ACP6: variants seen among roughly 807,000 people sequenced by gnomAD.
The protein encoded by ACP6 is lysophosphatidic acid phosphatase type 6.
ACP6 carries 48 observed loss-of-function variants against 48.1 expected under a neutral mutation model. The observed-to-expected ratio is 1.00, with a 90% CI of 0.79 to 1.27. The LOEUF is 1.27. ACP6 is among the 50% of genes most tolerant of loss of function. ACP6 has a pLI of 0.00. For synonymous variants in ACP6, 172 were observed against 204.2 expected, an observed-to-expected ratio of 0.84 and a Z score of 1.34; for missense variants, 485 against 529.1, an observed-to-expected ratio of 0.92 and a Z score of 0.82.
At position 147,670,056 on chromosome 1, in the gene ACP6, G is replaced by A. The variant is rs1661016393; in HGVS notation, c.-8C>T. 6.7e-7 allele frequency: 1 copy of A among 1,494,416 alleles called. No homozygotes were observed. Among genetic ancestry groups the A allele is most frequent in the Admixed American group, 2.0e-5 (1 of 49,132 alleles). The allele number at this position is 1,494,416 out of a possible 1,614,324, so 92.6% of individuals were successfully genotyped here. ...GAACACACCAGTGATCATGGTGGTA[G>A]GCCCTCGCTGCCCTCCGGGTTGAGG... On this transcript the variant is annotated 5_prime_UTR_variant, in exon 1 of 10. Transcript: ENST00000583509.
At chr1:147,648,533 T>A (rs1247130721) in intron 8 of ACP6, 122 bp from the exon 9 acceptor site, 10 of 1,170,344 alleles carry the variant, frequency 8.5e-6, no homozygotes, top group Non-Finnish European at 1.2e-5. Flanking sequence ...AGAAATCAGC[T>A]GAGCCTGGTA....
intron 5 of ACP6, 80 bp downstream of exon 5, chr1:147,655,081 C>G: frequency 8.4e-7 from 1 of 1,195,108 alleles, no homozygotes. Context: ...TGGACAGGCC[C>G]TCAGTATAGA....
At chr1:147,659,895 C>G in intron 1 of ACP6, 120 bp from the exon 2 acceptor site, 1 of 1,211,334 alleles carries the variant, frequency 8.3e-7, no homozygotes. Context: ...CTGCAACCTT[C>G]CTATGGGATG....
intron 1 of ACP6, among the ~76,000 whole-genome samples, chr1:147,664,344 G>A (rs955847370): frequency 5.3e-5 from 8 of 152,052 alleles, no homozygotes; most frequent in East Asian, 1.9e-4. Context: ...CACTAGCCAC[G>A]CAACTTCCTT....
chr1:147,669,780 C>T (rs1553214282), intron 1 of ACP6, 50 bp downstream of exon 1: 3 of 1,504,332 alleles, frequency 2.0e-6, no homozygotes, highest in Non-Finnish European at 1.8e-6. Context: ...GACTCCTGGC[C>T]TGGCACACGG....
intron 5 of ACP6, 110 bp downstream of exon 5, chr1:147,655,051 A>G (rs893587564): frequency 7.1e-5 from 58 of 822,218 alleles, no homozygotes; most frequent in Non-Finnish European, 1.1e-4. Flanking sequence ...CCCATCCATT[A>G]TTCGCCAGTA....
chr1:147,659,525 C>T lies in ACP6; in HGVS notation c.350G>A (p.Gly117Glu). 1 of 1,613,688 alleles carries T rather than the reference C, an allele frequency of 6.2e-7. No individual in the cohort carries two copies. Among genetic ancestry groups the T allele is most frequent in the African/African-American group, 1.3e-5 (1 of 74,636 alleles). The change falls in exon 3 of 10, where the codon GGG becomes GAG. Residue 117 changes from glycine to glutamate, a missense_variant and splice_region_variant. By Grantham distance (98) the Gly-to-Glu change is moderately conservative (BLOSUM62 -2). Transcript: ENST00000583509. ...GGTCAGCTGCCCAGCAAACATGCCC[C>T]CCTAAAGTAGGGAAGAAAGAGAAAG... ...DSQYHETTLK[G>E]GMFAGQLTKV...
At chr1:147,657,687 A>G (rs587709469) in intron 4 of ACP6, among the ~76,000 whole-genome samples, 6 of 152,248 alleles carry the variant, frequency 3.9e-5, no homozygotes, top group African/African-American at 1.4e-4. Context: ...CCAAAGTGCT[A>G]GGATTACAAG....
rs782402251 is a variant in ACP6, at chr1:147,654,168, C to T, written c.780+26G>A. The T allele has an allele frequency of 3.1e-6, 5 of 1,610,648 alleles. No homozygotes were observed. The Admixed American group carries it at 6.7e-5, about 22-fold the overall frequency. ...GAGCCAGCCCACCAAGGCTATTATC[C>T]CAGGCTCCCCAACCCCAGGACTCAC... On this transcript the variant is annotated intron_variant, in intron 6 of 9. Coordinates refer to ENST00000583509, the MANE Select transcript of ACP6 (RefSeq NM_016361.5).
intron 9 of ACP6, chr1:147,647,879 C>T (rs772978627): frequency 1.9e-5 from 9 of 485,964 alleles, no homozygotes; most frequent in Non-Finnish European, 2.9e-5. Context: ...GATGAAGCAG[C>T]CAACACCACG....
chr1:147,663,870 C>G (rs1469713161), intron 1 of ACP6, among the ~76,000 whole-genome samples: 1 of 152,078 alleles, frequency 6.6e-6, no homozygotes, highest in Non-Finnish European at 1.5e-5. Flanking sequence ...ACCACTCTGG[C>G]TTTTGATGGT....
intron 4 of ACP6, among the ~76,000 whole-genome samples, chr1:147,656,874 AACAT>A (rs1439157817): frequency 2.0e-5 from 3 of 152,234 alleles, no homozygotes; most frequent in African/African-American, 7.2e-5. Context: ...CAATAAAAAT[AACAT>A]AAATTAGAAA....
downstream of ACP6, among the ~76,000 whole-genome samples, chr1:147,641,523 G>A (rs1474099956): frequency 6.6e-6 from 1 of 152,176 alleles, no homozygotes; most frequent in Non-Finnish European, 1.5e-5. Flanking sequence ...GGCAAGCCTG[G>A]CTCTCCTCCG....
At position 147,659,532 on chromosome 1, in the gene ACP6, G is replaced by A; in HGVS notation, c.349-6C>T. ...TGCCCAGCAAACATGCCCCCCTAAAGTAGGGAAGAAAGAGAAAGAAGAATG... is the reference window on the plus strand; with the variant it reads ...TGCCCAGCAAACATGCCCCCCTAAAATAGGGAAGAAAGAGAAAGAAGAATG... On this transcript the variant is annotated splice_polypyrimidine_tract_variant and splice_region_variant and intron_variant, in intron 2 of 9. Coordinates refer to ENST00000583509, the MANE Select transcript of ACP6 (RefSeq NM_016361.5). The A allele has an allele frequency of 1.2e-6, 2 of 1,612,764 alleles. No homozygotes were observed. Among genetic ancestry groups the A allele is most frequent in the Middle Eastern group, 1.7e-4 (1 of 6,060 alleles).
At chr1:147,653,583 TAC>T in intron 6 of ACP6, among the ~76,000 whole-genome samples, 1 of 152,356 alleles carries the variant, frequency 6.6e-6, no homozygotes, top group East Asian at 1.9e-4. Flanking sequence ...AAACCTATTT[TAC>T]ACATAAAAGC....
rs1659515981 is a variant in ACP6, at chr1:147,643,453, G to A, written c.*3970C>T. ...GTGGCAGAGTATACCTAAGGCAGGA[G>A]GTAGAAGGAGGGCAAGGAGGGCCTC... On this transcript the variant is annotated 3_prime_UTR_variant, in exon 10 of 10. Coordinates refer to ENST00000583509, the MANE Select transcript of ACP6 (RefSeq NM_016361.5). The A allele has an allele frequency of 6.6e-6, 1 of 152,228 alleles. No homozygotes were observed. The allele number at this position is 152,228 out of a possible 1,614,324, so 9.4% of individuals were successfully genotyped here.
chr1:147,647,592 G>C (rs781824368), intron 9 of ACP6, 26 bp from the exon 10 acceptor site: 1 of 1,605,156 alleles, frequency 6.2e-7, no homozygotes, highest in South Asian at 1.1e-5. Context: ...AACTCAGCAG[G>C]TCCGCCGAGG....
rs1307501759 is a variant in ACP6 at position 147,642,899 on chromosome 1, C to T, written c.*4524G>A. The T allele has an allele frequency of 6.6e-6, 1 of 152,148 alleles. No homozygotes were observed. The highest frequency in any genetic ancestry group is 2.4e-5 in the African/African-American group (1 of 41,366). The allele number at this position is 152,148 out of a possible 1,614,324, so 9.4% of individuals were successfully genotyped here. Reference sequence around the variant, plus strand: ...GCCTGCCGTAGCAAAGTATCACAGACTAGGTGGCTTAAACAACAGAAATTT... The same window carrying T: ...GCCTGCCGTAGCAAAGTATCACAGATTAGGTGGCTTAAACAACAGAAATTT... On this transcript the variant is annotated 3_prime_UTR_variant, in exon 10 of 10. Coordinates refer to ENST00000583509, the MANE Select transcript of ACP6 (RefSeq NM_016361.5).
Position 147,647,218 on chromosome 1 carries a change from A to G in ACP6, c.*205T>C. On this transcript the variant is annotated 3_prime_UTR_variant, in exon 10 of 10. Transcript: ENST00000583509. ...CTAACCTTAGAAACCAACTCACAAA[A>G]TAGAGAAATATCCTTTTGGTCTCAA... 1 of 587,350 alleles carries G rather than the reference A, an allele frequency of 1.7e-6. No homozygotes were observed. Among genetic ancestry groups the G allele is most frequent in the South Asian group, 2.3e-5 (1 of 43,588 alleles). 36.4% of individuals were successfully genotyped at this position (587,350 alleles called of 1,614,324 possible). A position where few individuals can be genotyped will look rare whatever the true frequency, so the allele number is the denominator to read the frequency against.
Sources: allele counts gnomAD v4.1 joint callset (sites outside exome capture counted in the v4.1 genomes callset), GRCh38; gene constraint gnomAD v4.1.1; transcripts MANE v1.5; gene names NCBI Gene and HGNC (gene_info 2026-07-23, HGNC 2026-07-21).